The following SGO2 variants were observed in gnomAD, a reference collection of about 807,000 sequenced individuals.
SGO2 encodes shugoshin-like 2.
Under a neutral mutation model 99.5 loss-of-function variants are expected in SGO2, and 68 were observed. The ratio of observed to expected loss-of-function variants is 0.68; its 90% CI spans 0.56 to 0.84. SGO2 has a LOEUF of 0.84. SGO2 is among the 40% of genes least tolerant of loss of function. The pLI is 0.00. For synonymous variants in SGO2, 457 were observed against 487.1 expected, an observed-to-expected ratio of 0.94 and a Z score of 0.81; for missense variants, 1,350 against 1,436.7, an observed-to-expected ratio of 0.94 and a Z score of 0.97.
intron 5 of SGO2, among the ~76,000 whole-genome samples, chr2:200,566,443 G>C (rs954373082): frequency 6.6e-6 from 1 of 152,158 alleles, no homozygotes; most frequent in Non-Finnish European, 1.5e-5. Context: ...CTTCATCTCA[G>C]AGGGGCACTC....
At chr2:200,533,229 T>G in intron 2 of SGO2, 121 bp downstream of exon 2, 1 of 1,133,644 alleles carries the variant, frequency 8.8e-7, no homozygotes, top group Non-Finnish European at 1.2e-6. Flanking sequence ...TGTTAACTGA[T>G]AACTTTTTAA....
intron 5 of SGO2, among the ~76,000 whole-genome samples, chr2:200,551,461 G>T (rs2032481415): frequency 6.6e-6 from 1 of 152,094 alleles, no homozygotes; most frequent in Admixed American, 6.6e-5. Context: ...GCTGGGAAGG[G>T]GGAGAGAGGA....
At chr2:200,579,382 C>G (rs759452845) in intron 8 of SGO2, among the ~76,000 whole-genome samples, 5 of 152,144 alleles carry the variant, frequency 3.3e-5, no homozygotes, top group Non-Finnish European at 7.4e-5. Flanking sequence ...GCTAATAACT[C>G]AGGTACAATG....
At chr2:200,534,098 G>A (rs1217198395) in intron 2 of SGO2, among the ~76,000 whole-genome samples, 1 of 152,146 alleles carries the variant, frequency 6.6e-6, no homozygotes, top group Non-Finnish European at 1.5e-5. Flanking sequence ...CTGTTTTGCA[G>A]AATCCCAAGT....
Position 200,535,129 on chromosome 2 carries a change from G to C in SGO2, c.267G>C (p.Leu89=), listed in dbSNP as rs1274067204. The C allele has an allele frequency of 2.0e-6, 3 of 1,535,490 alleles. No individual in the cohort carries two copies. Among genetic ancestry groups the C allele is most frequent in the Non-Finnish European group, 2.6e-6 (3 of 1,152,748 alleles). Residue 89 remains leucine (L), a synonymous_variant, in exon 3 of 9, where the codon CTG becomes CTC. Coordinates refer to ENST00000357799, the MANE Select transcript of SGO2 (RefSeq NM_152524.6). The part of the protein sequence containing the change: ...KMLLQKEVEK[L]NFENTFLRLK... ...TATTGCAAAAAGAAGTAGAGAAACTGAATTTTGAGAACACATTTCTTCGCC... is the reference window on the plus strand; with the variant it reads ...TATTGCAAAAAGAAGTAGAGAAACTCAATTTTGAGAACACATTTCTTCGCC...
intron 1 of SGO2, chr2:200,531,772 C>G (rs1024410027): frequency 6.6e-6 from 1 of 152,272 alleles, no homozygotes; most frequent in Non-Finnish European, 1.5e-5. Context: ...TTTCCCACCT[C>G]AAGGTGTATT....
In SGO2 at chr2:200,573,696, A is replaced by C; in HGVS notation, c.3350A>C (p.Asn1117Thr). 1 of 1,613,256 alleles carries C rather than the reference A, an allele frequency of 6.2e-7. No individual in the cohort carries two copies. The highest frequency in any genetic ancestry group is 8.5e-7 in the Non-Finnish European group (1 of 1,179,526). The change falls in exon 7 of 9, where the codon AAC (asparagine) becomes ACC (threonine). Residue 1117 changes from asparagine to threonine, a missense_variant. Coordinates refer to ENST00000357799, the MANE Select transcript of SGO2 (RefSeq NM_152524.6). ...GTATCTGAACAAGCTGATAAGGAAA[A>C]CAATTTGGAGAATGAGAAAATGGTC... is the stretch of plus-strand genomic sequence containing the variant. ...STVSEQADKE[N>T]NLENEKMVKN... is the part of the protein sequence containing the mutation.
chr2:200,531,959 A>G (rs2031404420), intron 1 of SGO2: 1 of 152,168 alleles, frequency 6.6e-6, no homozygotes, highest in Non-Finnish European at 1.5e-5. Flanking sequence ...TAATCTCCCC[A>G]TTACAAGATC....
intron 4 of SGO2, among the ~76,000 whole-genome samples, chr2:200,540,441 CTG>C (rs2031908744): frequency 6.6e-6 from 1 of 152,192 alleles, no homozygotes; most frequent in Admixed American, 6.5e-5. Flanking sequence ...GTTGACAACA[CTG>C]TGGTGGGCAT....
Position 200,572,501 on chromosome 2 carries a change from A to G in SGO2, c.2155A>G (p.Lys719Glu). The G allele has an allele frequency of 6.2e-7, 1 of 1,612,922 alleles. No homozygotes were observed. The change falls in exon 7 of 9, where the codon AAG (lysine) becomes GAG (glutamate). Residue 719 changes from lysine (K) to glutamate (E), a missense_variant. Coordinates refer to ENST00000357799, the MANE Select transcript of SGO2 (RefSeq NM_152524.6). ...GAAGCTTAGGCAGAAAGTAAATCGG[A>G]AGACAGAAATAATTTCTGAAGTGAA... ...NKKLRQKVNR[K>E]TEIISEVNHL...
rs2033477110 is a variant in SGO2 at position 200,572,575 on chromosome 2, ACT to A, written c.2232_2233del (p.Leu746AsnfsTer5). On this transcript the variant is annotated frameshift_variant, in exon 7 of 9. Transcript: ENST00000357799. LOFTEE classifies it high-confidence loss of function. The stretch of plus-strand genomic sequence containing the variant: ...TAGAATACACAGTTAAAAGTCACTC[ACT>A]CTTTTTAACGCAAAAAGATAAGGAA... ...SIEYTVKSHS[L>X]FLTQKDKEII... is the part of the protein sequence containing the mutation. 6.2e-7 allele frequency: 1 copy of A among 1,611,584 alleles called. No individual in the cohort carries two copies. The highest frequency in any genetic ancestry group is 8.5e-7 in the Non-Finnish European group (1 of 1,178,252).
intron 5 of SGO2, among the ~76,000 whole-genome samples, chr2:200,565,390 C>T (rs964064161): frequency 1.3e-5 from 2 of 152,162 alleles, no homozygotes; most frequent in African/African-American, 4.8e-5. Flanking sequence ...AATATTGGCC[C>T]CCACTCTCTT....
chr2:200,534,817 A>G (rs376629229), intron 2 of SGO2, among the ~76,000 whole-genome samples, 179 bp from the exon 3 acceptor site: 26 of 152,148 alleles, frequency 1.7e-4, no homozygotes, highest in African/African-American at 6.3e-4. Context: ...TCTAGCTTTC[A>G]TTTCCTCACC....
intron 5 of SGO2, among the ~76,000 whole-genome samples, chr2:200,566,892 G>A (rs1172004371): frequency 2.0e-5 from 3 of 152,196 alleles, no homozygotes; most frequent in Non-Finnish European, 4.4e-5. Context: ...TAATCTCCTG[G>A]TGTGCCATTT....
chr2:200,573,757 ATCT>A lies in SGO2; in HGVS notation c.3413_3415del (p.Ser1138del). 6.2e-7 allele frequency: 1 copy of A among 1,611,888 alleles called. No homozygotes were observed. Among genetic ancestry groups the A allele is most frequent in the Non-Finnish European group, 8.5e-7 (1 of 1,179,080 alleles). ...CAGACTTTTACACAAAGGCATTTAGATCTTTGTCTGAGATACATTCACCTAACA... is the reference window on the plus strand; with the variant it reads ...CAGACTTTTACACAAAGGCATTTAGATTGTCTGAGATACATTCACCTAACA... On this transcript the variant is annotated inframe_deletion, in exon 7 of 9. Transcript: ENST00000357799.
chr2:200,572,888 G>T lies in SGO2; in HGVS notation c.2542G>T (p.Asp848Tyr), dbSNP rs2033501117. The T allele has an allele frequency of 6.3e-7, 1 of 1,591,526 alleles. No individual in the cohort carries two copies. Among genetic ancestry groups the T allele is most frequent in the East Asian group, 2.2e-5 (1 of 44,678 alleles). ...TAACTTCTTCTCTCTAACCCCAAAG[G>T]ATAAAGAAACAATTTCTGAAAATCT... ...KDNFFSLTPK[D>Y]KETISENLQV... The change falls in exon 7 of 9, where the codon GAT becomes TAT. Residue 848 changes from aspartate (D) to tyrosine (Y), a missense_variant. By Grantham distance (160) the Asp-to-Tyr change is radical. Transcript: ENST00000357799.
intron 5 of SGO2, among the ~76,000 whole-genome samples, chr2:200,557,027 TC>T (rs1271936615): frequency 1.3e-5 from 2 of 152,090 alleles, no homozygotes; most frequent in African/African-American, 4.8e-5. Context: ...CTCTCAGGTT[TC>T]CCCCTTTAGG....
At chr2:200,537,886 G>A (rs1230311323) in intron 4 of SGO2, among the ~76,000 whole-genome samples, 1 of 152,030 alleles carries the variant, frequency 6.6e-6, no homozygotes, top group Non-Finnish European at 1.5e-5. Flanking sequence ...TTTCATCTAA[G>A]GTAATCACAA....
At chr2:200,557,920 A>G (rs560634422) in intron 5 of SGO2, among the ~76,000 whole-genome samples, 40 of 148,830 alleles carry the variant, frequency 2.7e-4, no homozygotes, top group Admixed American at 7.4e-4. Context: ...CTTGAGTGCA[A>G]TGGCATGATC....
Sources: allele counts gnomAD v4.1 joint callset (sites outside exome capture counted in the v4.1 genomes callset), GRCh38; gene constraint gnomAD v4.1.1; transcripts MANE v1.5; gene names NCBI Gene and HGNC (gene_info 2026-07-23, HGNC 2026-07-21).